RAP1GAP2: variants seen among roughly 807,000 people sequenced by gnomAD.
The protein encoded by RAP1GAP2 is RAP1 GTPase activating protein 2, also known as rap1 GTPase-activating protein 2.
In RAP1GAP2, 27 loss-of-function variants were observed where a neutral mutation model predicts 95.0. The observed-to-expected ratio is 0.28, with a 90% CI of 0.21 to 0.39. The LOEUF is 0.39. RAP1GAP2 is among the 10% of genes least tolerant of loss of function. RAP1GAP2 has a pLI of 1.00. For synonymous variants in RAP1GAP2, 373 were observed against 380.9 expected (o/e 0.98, Z 0.24); for missense variants, 771 against 970.0 (o/e 0.79, Z 2.72).
intron 2 of RAP1GAP2, among the ~76,000 whole-genome samples, chr17:2,874,818 C>T (rs1481594910): frequency 1.3e-5 from 2 of 152,144 alleles, no homozygotes; most frequent in Non-Finnish European, 2.9e-5. Flanking sequence ...TCACCAATGC[C>T]CAGCAGCCAC....
Position 2,759,869 on chromosome 17 carries a change from C to A in RAP1GAP2, c.50+4102C>A, listed in dbSNP as rs141811129. Among the ~76,000 whole-genome samples, 32 of 152,116 alleles carry A rather than the reference C, an allele frequency of 2.1e-4. 1 individual carries two copies. ...TGTTGAGATTATAGATTTGAGCCAGCGCGCCTGGCCCATGGTTGGATATAT... is the reference window on the plus strand; with the variant it reads ...TGTTGAGATTATAGATTTGAGCCAGAGCGCCTGGCCCATGGTTGGATATAT... On this transcript the variant is annotated intron_variant, in intron 1 of 25. Transcript: ENST00000637138.
chr17:2,926,125 CAAAA>C (rs990593437), intron 3 of RAP1GAP2, among the ~76,000 whole-genome samples: 4 of 59,636 alleles, frequency 6.7e-5, no homozygotes, highest in Non-Finnish European at 7.7e-5. Flanking sequence ...GCCTCTGTCT[CAAAA>C]AAAAAAAAAA....
chr17:3,020,745 GTCAC>G (rs1156442773), intron 19 of RAP1GAP2, 150 bp downstream of exon 19: 4 of 673,852 alleles, frequency 5.9e-6, no homozygotes, highest in South Asian at 1.9e-5. Flanking sequence ...TGTGTCCCCT[GTCAC>G]TCACTCAGCT....
At chr17:2,900,093 G>A (rs911899496) in intron 2 of RAP1GAP2, among the ~76,000 whole-genome samples, 2 of 152,318 alleles carry the variant, frequency 1.3e-5, no homozygotes, top group South Asian at 4.1e-4. Context: ...GGGAGCGGGT[G>A]TGGGGAGGGG....
intron 10 of RAP1GAP2, among the ~76,000 whole-genome samples, chr17:2,983,055 C>A (rs533150239): frequency 6.6e-6 from 1 of 152,202 alleles, no homozygotes; most frequent in Admixed American, 6.5e-5. Flanking sequence ...GCAGCAGCGC[C>A]GTCGCTGGGG....
Position 2,957,813 on chromosome 17 carries a change from C to T in RAP1GAP2, c.201+19C>T, listed in dbSNP as rs200978637. 5.6e-5 allele frequency: 88 copies of T among 1,572,030 alleles called. No homozygotes were observed. The highest frequency in any genetic ancestry group is 2.1e-4 in the African/African-American group (15 of 72,956). On this transcript the variant is annotated intron_variant, in intron 4 of 24. Coordinates refer to ENST00000254695, the MANE Select transcript of RAP1GAP2 (RefSeq NM_015085.5). ...AATGCAGGTGAGTACGTACCCCCAC[C>T]GTGGCGGGGAAGAAGCCCAGCCCCA...
intron 17 of RAP1GAP2, among the ~76,000 whole-genome samples, chr17:3,014,823 T>C (rs8071538): frequency 0.68 from 103,682 of 151,740 alleles, 35,534 homozygotes; most frequent in Admixed American, 0.7. Context: ...TCCCAAAGTG[T>C]TGGGATTACA....
intron 3 of RAP1GAP2, among the ~76,000 whole-genome samples, chr17:2,915,975 C>T (rs2042554906): frequency 6.6e-6 from 1 of 152,218 alleles, no homozygotes. Context: ...GCTGGGATTA[C>T]AGGCATGAGC....
Position 3,026,050 on chromosome 17 carries a change from C to A in RAP1GAP2, c.1794C>A (p.His598Gln). The change falls in exon 20 of 25, where the codon CAC becomes CAA. Residue 598 changes from histidine to glutamine, a missense_variant. By Grantham distance (24) the His-to-Gln change is conservative (BLOSUM62 0). Transcript: ENST00000254695. ...CACCCAAGACCCCAGATGGTGGACACTCCTCTCAGGAGATAAAGTCTGAGA... is the reference window on the plus strand; with the variant it reads ...CACCCAAGACCCCAGATGGTGGACAATCCTCTCAGGAGATAAAGTCTGAGA... ...SSTPKTPDGG[H>Q]SSQEIKSETS... The A allele has an allele frequency of 6.2e-7, 1 of 1,613,848 alleles. No individual in the cohort carries two copies. Among genetic ancestry groups the A allele is most frequent in the South Asian group, 1.1e-5 (1 of 91,068 alleles).
chr17:2,867,443 C>T lies in RAP1GAP2; in HGVS notation c.81-37841C>T, dbSNP rs187038871. Among the ~76,000 whole-genome samples the T allele has an allele frequency of 2.6e-5, 4 of 152,160 alleles. No homozygotes were observed. The highest frequency in any genetic ancestry group is 2.0e-4 in the Admixed American group (3 of 15,290). On this transcript the variant is annotated intron_variant, in intron 2 of 24. Transcript: ENST00000254695. The surrounding 1 kb of genome is among the most constrained non-coding windows in gnomAD (Gnocchi z 4.5). ...CCTTCGTCCTCAGGTACCTTATCCA[C>T]GAAGATGGACGATGGCTGCCCTGGG...
intron 12 of RAP1GAP2, among the ~76,000 whole-genome samples, chr17:2,994,155 G>A (rs1389588003): frequency 6.6e-6 from 1 of 152,150 alleles, no homozygotes. Flanking sequence ...GGCCTAGAGA[G>A]ACTAAATGAA....
At chr17:3,012,906 A>G (rs952775381) in intron 17 of RAP1GAP2, among the ~76,000 whole-genome samples, 2 of 152,202 alleles carry the variant, frequency 1.3e-5, no homozygotes, top group Non-Finnish European at 2.9e-5. Flanking sequence ...ATGCAATGAA[A>G]AGTGATGATA....
In RAP1GAP2 at chr17:2,832,380, A is replaced by G. The variant is rs576582731; in HGVS notation, c.80+31830A>G. Among the ~76,000 whole-genome samples, 9 of 150,898 alleles carry G rather than the reference A, an allele frequency of 6.0e-5. No homozygotes were observed. In the South Asian group the frequency reaches 1.9e-3, roughly 32 times the overall value. ...GAGATCATCCTGGCTAAAACGGTGA[A>G]ACCCCATCTCTACTAAAAATACAAA... On this transcript the variant is annotated intron_variant, in intron 2 of 24. Transcript: ENST00000254695.
intron 11 of RAP1GAP2, among the ~76,000 whole-genome samples, chr17:2,989,207 C>G (rs2151559255): frequency 6.6e-6 from 1 of 152,262 alleles, no homozygotes; most frequent in African/African-American, 2.4e-5. Context: ...TTTATTTTAG[C>G]CATTCTGATA....
intron 2 of RAP1GAP2, among the ~76,000 whole-genome samples, chr17:2,876,130 G>A (rs958576068): frequency 2.0e-5 from 3 of 151,770 alleles, no homozygotes; most frequent in Non-Finnish European, 4.4e-5. Context: ...GTAGAGACGG[G>A]GTTTCACCGT....
At chr17:2,839,014 T>C (rs2151565635) in intron 2 of RAP1GAP2, among the ~76,000 whole-genome samples, 1 of 152,170 alleles carries the variant, frequency 6.6e-6, no homozygotes, top group South Asian at 2.1e-4. Flanking sequence ...TTAAAAATTA[T>C]AGAAAAGGCC....
chr17:2,985,711 G>T (rs761567127), intron 11 of RAP1GAP2, among the ~76,000 whole-genome samples: 2 of 152,192 alleles, frequency 1.3e-5, no homozygotes, highest in Non-Finnish European at 2.9e-5. Context: ...CTCAAAGTGT[G>T]TTTCATGAAT....
At chr17:2,995,297 C>T in intron 12 of RAP1GAP2, 40 bp from the exon 13 acceptor site, 2 of 1,603,754 alleles carry the variant, frequency 1.2e-6, no homozygotes, top group Non-Finnish European at 1.7e-6. Context: ...CTTTGCCTCA[C>T]TCTCTTTTCT....
At chr17:2,856,033 G>A (rs1050833485) in intron 2 of RAP1GAP2, among the ~76,000 whole-genome samples, 7 of 152,232 alleles carry the variant, frequency 4.6e-5, no homozygotes, top group African/African-American at 1.7e-4. Context: ...TCTAGCAGAA[G>A]AAGCTGCCAT....
Sources: allele counts gnomAD v4.1 joint callset (sites outside exome capture counted in the v4.1 genomes callset), GRCh38; gene constraint gnomAD v4.1.1; non-coding constraint Gnocchi (gnomAD v3.1); transcripts MANE v1.5; gene names NCBI Gene and HGNC (gene_info 2026-07-23, HGNC 2026-07-21).